The following PRTFDC1 variants were observed in gnomAD, a reference collection of about 807,000 sequenced individuals.
PRTFDC1 encodes phosphoribosyl transferase domain containing 1, also known as phosphoribosyltransferase domain-containing protein 1.
In PRTFDC1, 38 loss-of-function variants were observed where a neutral mutation model predicts 34.6. That is an observed-to-expected ratio of 1.10 (90% CI 0.85 to 1.44). The LOEUF (loss-of-function observed/expected upper bound fraction) is 1.44. Ranked by LOEUF, PRTFDC1 falls within the 40% of genes most tolerant of loss-of-function variation. The pLI is 0.00. For missense variants in PRTFDC1, 270 were observed against 283.0 expected, an observed-to-expected ratio of 0.95 and a Z score of 0.33; for synonymous variants, 93 against 98.1, an observed-to-expected ratio of 0.95 and a Z score of 0.31.
intron 3 of PRTFDC1, chr10:24,908,734 C>G: frequency 6.6e-7 from 1 of 1,518,822 alleles, no homozygotes; most frequent in Non-Finnish European, 8.8e-7. Context: ...GAGACACCTA[C>G]CTAGCCAGCC....
intron 3 of PRTFDC1, among the ~76,000 whole-genome samples, chr10:24,928,702 C>T (rs1848920121): frequency 6.6e-6 from 1 of 151,994 alleles, no homozygotes; most frequent in South Asian, 2.1e-4. Context: ...TCTCGGCCTC[C>T]CAAAGTGCTG....
chr10:24,858,504 T>TC, intron 4 of PRTFDC1, 95 bp from the exon 5 acceptor site: 8 of 1,279,758 alleles, frequency 6.3e-6, no homozygotes, highest in Non-Finnish European at 9.0e-6. Flanking sequence ...ATTTCACAAT[T>TC]TACTTAGACG....
chr10:24,886,340 A>T (rs1201264418), intron 3 of PRTFDC1, among the ~76,000 whole-genome samples: 1 of 152,164 alleles, frequency 6.6e-6, no homozygotes. Context: ...TACTGTTATC[A>T]CCCCAATTTA....
rs991856009 is a variant in PRTFDC1, at chr10:24,938,114, T to C, written c.156-747A>G. On this transcript the variant is annotated intron_variant, in intron 2 of 8. Transcript: ENST00000320152. ...GGTGGCGGGTGCCTGTAATCCCAGC[T>C]ACTCGGGAAGCTGAGGCAGGAGAAT... Among the ~76,000 whole-genome samples the C allele has an allele frequency of 7.2e-5, 11 of 151,796 alleles. No homozygotes were observed. In the South Asian group the frequency reaches 1.0e-3, roughly 14 times the overall value.
chr10:24,858,013 G>T (rs1337158521), intron 5 of PRTFDC1, among the ~76,000 whole-genome samples: 2 of 152,278 alleles, frequency 1.3e-5, no homozygotes, highest in East Asian at 1.9e-4. Context: ...ATCATCAGAG[G>T]TCCTTAGCAA....
intron 3 of PRTFDC1, among the ~76,000 whole-genome samples, chr10:24,900,475 A>C (rs1588602472): frequency 6.6e-6 from 1 of 152,222 alleles, no homozygotes; most frequent in East Asian, 1.9e-4. Context: ...AGCTCCATAA[A>C]GTTATCCTCT....
chr10:24,862,284 T>C (rs1413090052), intron 4 of PRTFDC1, among the ~76,000 whole-genome samples: 1 of 152,222 alleles, frequency 6.6e-6, no homozygotes, highest in African/African-American at 2.4e-5. Context: ...CCTTTGTAGC[T>C]GGTTTATCCA....
intron 4 of PRTFDC1, among the ~76,000 whole-genome samples, chr10:24,859,581 C>T (rs1847642276): frequency 6.6e-6 from 1 of 152,184 alleles, no homozygotes; most frequent in African/African-American, 2.4e-5. Context: ...CTGAAGCCTC[C>T]CTAGAAGCAG....
intron 3 of PRTFDC1, among the ~76,000 whole-genome samples, chr10:24,889,617 T>C (rs1848227487): frequency 6.6e-6 from 1 of 152,212 alleles, no homozygotes; most frequent in South Asian, 2.1e-4. Context: ...TATCAAGTGT[T>C]TTATGCATTG....
intron 4 of PRTFDC1, among the ~76,000 whole-genome samples, chr10:24,864,806 T>A (rs563484024): frequency 6.6e-6 from 1 of 152,292 alleles, no homozygotes; most frequent in African/African-American, 2.4e-5. Flanking sequence ...AAACTATTTA[T>A]CTTTATATAA....
intron 4 of PRTFDC1, among the ~76,000 whole-genome samples, chr10:24,865,592 T>A (rs973182996): frequency 6.6e-6 from 1 of 152,114 alleles, no homozygotes; most frequent in Non-Finnish European, 1.5e-5. Flanking sequence ...GTTGCATGAT[T>A]CTGATCAAAA....
chr10:24,898,297 A>AAAC (rs1848399722), intron 3 of PRTFDC1, among the ~76,000 whole-genome samples: 2 of 150,856 alleles, frequency 1.3e-5, no homozygotes, highest in South Asian at 4.2e-4. Flanking sequence ...AAAAAAAAAA[A>AAAC]AAAAAAAAAC....
intron 3 of PRTFDC1, among the ~76,000 whole-genome samples, chr10:24,899,922 C>G (rs77117854): frequency 0.12 from 17,573 of 152,090 alleles, 1,251 homozygotes; most frequent in East Asian, 0.29. Context: ...CTCTCATCTA[C>G]TGGTATTGGG....
intron 3 of PRTFDC1, among the ~76,000 whole-genome samples, chr10:24,892,711 C>T (rs987257488): frequency 6.6e-6 from 1 of 151,990 alleles, no homozygotes; most frequent in African/African-American, 2.4e-5. Flanking sequence ...GATAAATCCA[C>T]TGGTCCACAA....
At chr10:24,933,084 A>T (rs1396324323) in intron 3 of PRTFDC1, among the ~76,000 whole-genome samples, 2 of 152,142 alleles carry the variant, frequency 1.3e-5, no homozygotes, top group African/African-American at 4.8e-5. Context: ...AGGAATCGCA[A>T]TCCATACCTT....
At chr10:24,917,736 G>C (rs1410643042) in intron 3 of PRTFDC1, among the ~76,000 whole-genome samples, 1 of 152,210 alleles carries the variant, frequency 6.6e-6, no homozygotes, top group Admixed American at 6.5e-5. Context: ...CATGGAGACA[G>C]ATGTCCTTTT....
chr10:24,916,089 T>C (rs1848690872), intron 3 of PRTFDC1, among the ~76,000 whole-genome samples: 1 of 152,186 alleles, frequency 6.6e-6, no homozygotes, highest in Non-Finnish European at 1.5e-5. Context: ...ACTCAGTTTA[T>C]ACACTTGCTC....
chr10:24,923,155 T>A (rs1288354715), intron 3 of PRTFDC1, among the ~76,000 whole-genome samples: 1 of 152,220 alleles, frequency 6.6e-6, no homozygotes, highest in African/African-American at 2.4e-5. Flanking sequence ...AAGCTCAAAC[T>A]GGGCAGAGCC....
At chr10:24,923,509 A>C (rs537167562) in intron 3 of PRTFDC1, among the ~76,000 whole-genome samples, 9 of 152,354 alleles carry the variant, frequency 5.9e-5, no homozygotes, top group African/African-American at 1.7e-4. Flanking sequence ...TACCCAGGTA[A>C]ACGGGGTCTG....
Sources: gnomAD v4.1 joint callset for allele counts (sites outside exome capture counted in the v4.1 genomes callset) on GRCh38, gnomAD v4.1.1 for gene constraint, MANE v1.5 for transcripts, NCBI Gene and HGNC (gene_info 2026-07-23, HGNC 2026-07-21) for gene names.